MAP3K13: variants seen among roughly 807,000 people sequenced by gnomAD.
MAP3K13 encodes the protein leucine zipper-bearing kinase.
In MAP3K13, 52 loss-of-function variants were observed where a neutral mutation model predicts 104.0. The ratio of observed to expected loss-of-function variants is 0.50; its 90% CI spans 0.40 to 0.63. The LOEUF (loss-of-function observed/expected upper bound fraction) is 0.63, where lower values mean the gene tolerates loss of function less well. Among genes scored for constraint, MAP3K13 ranks in the 20% least tolerant of loss-of-function variants. The pLI is 0.00. For missense variants in MAP3K13, 914 were observed against 1,218.5 expected (o/e 0.75, Z 3.72); for synonymous variants, 394 against 442.2 (o/e 0.89, Z 1.37).
In MAP3K13 at chr3:185,369,543, G is replaced by C. The variant is rs1477415621; in HGVS notation, c.-86+6175G>C. 5.9e-5 allele frequency among the ~76,000 whole-genome samples: 9 copies of C among 152,190 alleles called. No individual in the cohort carries two copies. In the South Asian group the frequency reaches 1.2e-3, roughly 21 times the overall value. On this transcript the variant is annotated intron_variant, in intron 1 of 13. Transcript: ENST00000265026. ...AGAATAGATCCTCCTACATAAGTGTGTGGATGCAGATGTGTGCCCTCCCAT... is the reference window on the plus strand; with the variant it reads ...AGAATAGATCCTCCTACATAAGTGTCTGGATGCAGATGTGTGCCCTCCCAT...
chr3:185,436,228 A>G (rs1270957042), intron 2 of MAP3K13, among the ~76,000 whole-genome samples: 1 of 152,258 alleles, frequency 6.6e-6, no homozygotes, highest in Admixed American at 6.5e-5. Flanking sequence ...TTTTTAAGAC[A>G]GAAAACAATA....
chr3:185,393,280 A>G (rs1023144177), intron 1 of MAP3K13, among the ~76,000 whole-genome samples: 1 of 152,238 alleles, frequency 6.6e-6, no homozygotes, highest in Non-Finnish European at 1.5e-5. Flanking sequence ...AGAAAAATTC[A>G]AAGCATATAC....
At chr3:185,467,825 T>C (rs1422682166) in intron 10 of MAP3K13, among the ~76,000 whole-genome samples, 5 of 149,498 alleles carry the variant, frequency 3.3e-5, no homozygotes, top group African/African-American at 1.2e-4. Context: ...GGGTAATTTA[T>C]AAAGATAAAA....
chr3:185,428,506 C>T lies in MAP3K13; in HGVS notation c.-76C>T. 6.7e-7 allele frequency: 1 copy of T among 1,495,800 alleles called. No individual in the cohort carries two copies. The highest frequency in any genetic ancestry group is 8.9e-7 in the Non-Finnish European group (1 of 1,123,914). The allele number at this position is 1,495,800 out of a possible 1,614,324, so 92.7% of individuals were successfully genotyped here. ...CTCCTGTTTTTCTCAGGTTTTGGAGCCCTCTCTTAAGTCAGAACTCTGTCC... is the reference window on the plus strand; with the variant it reads ...CTCCTGTTTTTCTCAGGTTTTGGAGTCCTCTCTTAAGTCAGAACTCTGTCC... On this transcript the variant is annotated 5_prime_UTR_variant, in exon 2 of 14. Coordinates refer to ENST00000265026, the MANE Select transcript of MAP3K13 (RefSeq NM_004721.5).
intron 2 of MAP3K13, among the ~76,000 whole-genome samples, chr3:185,353,922 A>C (rs1234993565): frequency 1.3e-5 from 2 of 151,192 alleles, no homozygotes; most frequent in African/African-American, 4.9e-5. Context: ...TGGTCATTCC[A>C]TCAAAGAGAA....
rs184519938 is a variant in MAP3K13 at position 185,452,486 on chromosome 3, C to A, written c.1278+1091C>A. On this transcript the variant is annotated intron_variant, in intron 7 of 13. Transcript: ENST00000265026. Reference sequence around the variant, plus strand: ...TCCTGGGCTCAAGCGATCTCCCTGCCTCGGCCTCCCAAACTGCTGGGATTA... The same window carrying A: ...TCCTGGGCTCAAGCGATCTCCCTGCATCGGCCTCCCAAACTGCTGGGATTA... Among the ~76,000 whole-genome samples, 317 of 152,314 alleles carry A rather than the reference C, an allele frequency of 2.1e-3. 10 individuals are homozygous for A. Among genetic ancestry groups the A allele is most frequent in the Admixed American group, 0.018 (275 of 15,296 alleles).
In MAP3K13 at chr3:185,418,459, G is replaced by C. The variant is rs537599995; in HGVS notation, c.-85-10038G>C. 9 of 1,611,078 alleles carry C rather than the reference G, an allele frequency of 5.6e-6. 1 individual carries two copies. The South Asian group carries it at 9.9e-5, about 18-fold the overall frequency. The stretch of plus-strand genomic sequence containing the variant: ...CACTCTACGATGCCAACGGCGCCAG[G>C]TTTTGGTTGGTGCAAACCTTCGGCC... On this transcript the variant is annotated intron_variant, in intron 1 of 13. Transcript: ENST00000265026. This position sits in a 1 kb window ranked among gnomAD's most constrained non-coding sequence, Gnocchi z 4.5.
chr3:185,422,541 A>G (rs369367861), intron 1 of MAP3K13, among the ~76,000 whole-genome samples: 1 of 152,144 alleles, frequency 6.6e-6, no homozygotes, highest in African/African-American at 2.4e-5. Context: ...CAAAACAAAC[A>G]TGTGTTTTTC....
intron 2 of MAP3K13, among the ~76,000 whole-genome samples, chr3:185,321,685 C>A (rs1004383431): frequency 6.6e-6 from 1 of 152,164 alleles, no homozygotes. Flanking sequence ...CTCACTGTAA[C>A]CTCTGCCTCC....
chr3:185,445,241 T>C (rs1395686202), intron 4 of MAP3K13, among the ~76,000 whole-genome samples: 1 of 152,144 alleles, frequency 6.6e-6, no homozygotes. Context: ...TTCTACCTCA[T>C]TATGTGAAGG....
intron 10 of MAP3K13, among the ~76,000 whole-genome samples, chr3:185,467,657 C>T (rs1268452170): frequency 6.6e-6 from 1 of 151,950 alleles, no homozygotes; most frequent in Non-Finnish European, 1.5e-5. Flanking sequence ...GTGGCACGTG[C>T]CTGTAATCCC....
chr3:185,472,930 ATG>A, intron 10 of MAP3K13, 43 bp from the exon 11 acceptor site: 2 of 1,547,238 alleles, frequency 1.3e-6, no homozygotes, highest in Non-Finnish European at 1.8e-6. Context: ...CCAAACTTGA[ATG>A]TGTTTTCATG....
chr3:185,437,874 A>G (rs1715129079), intron 3 of MAP3K13, among the ~76,000 whole-genome samples: 1 of 152,214 alleles, frequency 6.6e-6, no homozygotes, highest in Non-Finnish European at 1.5e-5. Flanking sequence ...AGGGGCATGC[A>G]CATGGGGCAG....
At chr3:185,305,244 CT>C (rs767727308) in intron 2 of MAP3K13, among the ~76,000 whole-genome samples, 2 of 152,202 alleles carry the variant, frequency 1.3e-5, no homozygotes, top group Non-Finnish European at 2.9e-5. Context: ...GAGAGACATG[CT>C]TTGACACCTT....
intron 1 of MAP3K13, among the ~76,000 whole-genome samples, chr3:185,376,702 A>T (rs1473856343): frequency 6.6e-6 from 1 of 152,086 alleles, no homozygotes; most frequent in Admixed American, 6.6e-5. Flanking sequence ...AAAACTAGAT[A>T]TCCAAAGGCA....
chr3:185,473,765 A>G lies in MAP3K13; in HGVS notation c.2430+4A>G, dbSNP rs1717950478. ...AAAAACAAGGCCTCTGCAGAAGGTA[A>G]AGTGTAATGATGAGAGTGGCCTGCG... On this transcript the variant is annotated splice_donor_region_variant and intron_variant, in intron 11 of 13. Transcript: ENST00000265026. The surrounding 1 kb of genome is among the most constrained non-coding windows in gnomAD (Gnocchi z 4.9). 1 of 1,610,258 alleles carries G rather than the reference A, an allele frequency of 6.2e-7. No individual in the cohort carries two copies. The highest frequency in any genetic ancestry group is 1.1e-5 in the South Asian group (1 of 90,646).
In MAP3K13 at chr3:185,473,739, G is replaced by A. The variant is rs754424536; in HGVS notation, c.2408G>A (p.Arg803Gln). Reference protein sequence around the residue: ...SHLGTPPALPRKTRPLQKSGD... With the variant: ...SHLGTPPALPQKTRPLQKSGD... The stretch of plus-strand genomic sequence containing the variant: ...CTCGGCACCCCTCCAGCGCTACCTC[G>A]AAAAACAAGGCCTCTGCAGAAGGTA... The change falls in exon 11 of 14, where the codon CGA (arginine) becomes CAA (glutamine). Residue 803 changes from arginine (R) to glutamine (Q), a missense_variant. By Grantham distance (43) the Arg-to-Gln change is conservative (BLOSUM62 1). Coordinates refer to ENST00000265026, the MANE Select transcript of MAP3K13 (RefSeq NM_004721.5). This position sits in a 1 kb window ranked among gnomAD's most constrained non-coding sequence, Gnocchi z 4.9. 1.2e-5 allele frequency: 20 copies of A among 1,612,626 alleles called. No homozygotes were observed. Among genetic ancestry groups the A allele is most frequent in the South Asian group, 2.2e-5 (2 of 90,934 alleles).
chr3:185,425,295 C>T lies in MAP3K13; in HGVS notation c.-85-3202C>T, dbSNP rs185874382. ...CATAGTTGAGCTAATCGTCTTCTTT[C>T]CCAACCTTTCTTTCTGGCATTTCAT... is the stretch of plus-strand genomic sequence containing the variant. On this transcript the variant is annotated intron_variant, in intron 1 of 13. Transcript: ENST00000265026. Among the ~76,000 whole-genome samples the T allele has an allele frequency of 1.1e-3, 162 of 152,334 alleles. 1 individual carries two copies. Among genetic ancestry groups the T allele is most frequent in the Admixed American group, 3.3e-3 (51 of 15,294 alleles).
intron 7 of MAP3K13, among the ~76,000 whole-genome samples, chr3:185,455,403 TATATATATGAGATATATATG>T (rs1437082353): frequency 7.8e-5 from 7 of 89,938 alleles, no homozygotes; most frequent in South Asian, 7.8e-4. Context: ...ATATATGAGA[TATATATATGAGATATATATG>T]ATATATATGA....
Sources: allele counts gnomAD v4.1 joint callset (sites outside exome capture counted in the v4.1 genomes callset), GRCh38; gene constraint gnomAD v4.1.1; non-coding constraint Gnocchi (gnomAD v3.1); transcripts MANE v1.5; gene names NCBI Gene and HGNC (gene_info 2026-07-23, HGNC 2026-07-21).